FGGY: variants seen among roughly 807,000 people sequenced by gnomAD.
The protein encoded by FGGY is FGGY carbohydrate kinase domain-containing protein.
In FGGY, 72 loss-of-function variants were observed where a neutral mutation model predicts 71.3. The observed-to-expected ratio is 1.01, with a 90% confidence interval of 0.84 to 1.23. FGGY has a LOEUF of 1.23. Ranked by LOEUF, FGGY falls within the 50% of genes most tolerant of loss-of-function variation. The pLI, the probability that FGGY is intolerant of heterozygous loss-of-function variation, is 0.00. For synonymous variants in FGGY, 251 were observed against 250.3 expected (o/e 1.00, Z -0.02); for missense variants, 668 against 682.3 (o/e 0.98, Z 0.23).
At chr1:59,610,409 T>G (rs917148549) in intron 9 of FGGY, among the ~76,000 whole-genome samples, 9 of 152,342 alleles carry the variant, frequency 5.9e-5, no homozygotes, top group African/African-American at 2.2e-4. Context: ...CAAAGAGATC[T>G]CATGCCTTTT....
chr1:59,702,996 T>C (rs2097722704), intron 14 of FGGY, among the ~76,000 whole-genome samples: 1 of 152,184 alleles, frequency 6.6e-6, no homozygotes, highest in South Asian at 2.1e-4. Context: ...CACTTTTATC[T>C]GTTATTCTAA....
chr1:59,645,160 C>A (rs188099722), intron 11 of FGGY, among the ~76,000 whole-genome samples: 1 of 152,290 alleles, frequency 6.6e-6, no homozygotes, highest in East Asian at 1.9e-4. Context: ...TGAAGATATA[C>A]CAGTGTATGA....
intron 6 of FGGY, among the ~76,000 whole-genome samples, chr1:59,468,421 T>C (rs912779745): frequency 5.9e-5 from 9 of 152,204 alleles, no homozygotes; most frequent in African/African-American, 1.7e-4. Context: ...TCAGAGACTT[T>C]TCTATCTTAG....
intron 11 of FGGY, among the ~76,000 whole-genome samples, chr1:59,657,924 A>G (rs1248265782): frequency 6.6e-6 from 1 of 152,110 alleles, no homozygotes; most frequent in Non-Finnish European, 1.5e-5. Flanking sequence ...CTCCTCTCTG[A>G]TTGTGTGAGG....
intron 8 of FGGY, among the ~76,000 whole-genome samples, chr1:59,559,411 C>G (rs1440897235): frequency 1.3e-4 from 20 of 152,182 alleles, no homozygotes. Flanking sequence ...CTTCCTGAAA[C>G]AAACTCATAT....
intron 1 of FGGY, among the ~76,000 whole-genome samples, chr1:59,311,711 A>G (rs866955237): frequency 1.3e-5 from 2 of 152,210 alleles, no homozygotes; most frequent in Non-Finnish European, 2.9e-5. Flanking sequence ...ATATGTGTGC[A>G]TGTGTCTTTA....
intron 14 of FGGY, among the ~76,000 whole-genome samples, chr1:59,678,216 G>A (rs1364837811): frequency 1.3e-5 from 2 of 152,124 alleles, no homozygotes; most frequent in East Asian, 3.9e-4. Flanking sequence ...ATAAGTGGGA[G>A]GGGACACAAA....
At chr1:59,657,079 C>A (rs1223764370) in intron 11 of FGGY, among the ~76,000 whole-genome samples, 1 of 152,144 alleles carries the variant, frequency 6.6e-6, no homozygotes, top group Non-Finnish European at 1.5e-5. Flanking sequence ...AAGTTAAATC[C>A]AGCTATGTCA....
At chr1:59,433,979 T>C (rs1335745654) in intron 5 of FGGY, among the ~76,000 whole-genome samples, 4 of 152,250 alleles carry the variant, frequency 2.6e-5, no homozygotes, top group African/African-American at 9.6e-5. Flanking sequence ...ATTATTTGTT[T>C]CATTTTGGAC....
At position 59,638,241 on chromosome 1, in the gene FGGY, T is replaced by C. The variant is rs976048844; in HGVS notation, c.1087T>C (p.Tyr363His). 6.2e-7 allele frequency: 1 copy of C among 1,614,010 alleles called. No homozygotes were observed. The highest frequency in any genetic ancestry group is 1.3e-5 in the African/African-American group (1 of 74,942). Residue 363 changes from tyrosine (Y) to histidine (H), a missense_variant, in exon 11 of 16, where the codon TAT becomes CAT. By Grantham distance (83) the Tyr-to-His change is moderately conservative. This residue lies in a region of FGGY where 661 missense variants were observed against 661.6 expected (regional missense o/e 1.00). Transcript: ENST00000303721. ...VKATARCQSI[Y>H]AYLNSHLDLI... ...CTTCTCTTCCAGATGCCAGAGTATA[T>C]ATGCATATTTGAACAGTCACCTGGA...
chr1:59,651,820 G>A (rs987376782), intron 11 of FGGY, among the ~76,000 whole-genome samples: 6 of 150,808 alleles, frequency 4.0e-5, no homozygotes, highest in South Asian at 4.3e-4. Context: ...GATTTTGCTC[G>A]TTAGTTGATG....
intron 5 of FGGY, among the ~76,000 whole-genome samples, chr1:59,383,004 A>G (rs141039194): frequency 2.4e-4 from 36 of 152,266 alleles, no homozygotes; most frequent in African/African-American, 6.3e-4. Context: ...GACTAACAAT[A>G]TGACTTACCG....
intron 5 of FGGY, among the ~76,000 whole-genome samples, chr1:59,443,815 T>C (rs116652199): frequency 8.5e-5 from 13 of 152,326 alleles, no homozygotes; most frequent in Non-Finnish European, 1.9e-4. Flanking sequence ...GGGAAATAGT[T>C]ATGATTGGGA....
At chr1:59,699,309 A>G (rs983612346) in intron 14 of FGGY, 26 of 984,710 alleles carry the variant, frequency 2.6e-5, no homozygotes, top group Non-Finnish European at 2.5e-5. Flanking sequence ...GAGATACTAA[A>G]TTGTTTGTAG....
chr1:59,475,982 G>T (rs1166003021), intron 6 of FGGY, among the ~76,000 whole-genome samples: 1 of 152,214 alleles, frequency 6.6e-6, no homozygotes, highest in Non-Finnish European at 1.5e-5. Flanking sequence ...CGTGATCTCT[G>T]TCTGACTTTT....
chr1:59,357,147 T>G (rs2054486544), intron 4 of FGGY, among the ~76,000 whole-genome samples: 1 of 152,238 alleles, frequency 6.6e-6, no homozygotes, highest in African/African-American at 2.4e-5. Flanking sequence ...ATGTTGAGGC[T>G]GATGGCTTGC....
At chr1:59,650,065 G>A (rs566944507) in intron 11 of FGGY, among the ~76,000 whole-genome samples, 14 of 148,552 alleles carry the variant, frequency 9.4e-5, no homozygotes, top group South Asian at 2.1e-4. Flanking sequence ...ATTGATTTGC[G>A]TATATTGAAC....
intron 8 of FGGY, among the ~76,000 whole-genome samples, chr1:59,559,620 C>G (rs1486123811): frequency 6.6e-6 from 1 of 152,014 alleles, no homozygotes; most frequent in South Asian, 2.1e-4. Context: ...ATACAAAGAA[C>G]CAGGACTCCT....
intron 14 of FGGY, among the ~76,000 whole-genome samples, chr1:59,732,050 GTCA>G (rs1420567326): frequency 6.6e-6 from 1 of 152,082 alleles, no homozygotes; most frequent in African/African-American, 2.4e-5. Flanking sequence ...TACCAGTCCC[GTCA>G]TCATCCAGTT....
Sources: allele counts gnomAD v4.1 joint callset (sites outside exome capture counted in the v4.1 genomes callset), GRCh38; gene constraint gnomAD v4.1.1; regional missense constraint gnomAD v4.1.1; transcripts MANE v1.5; gene names NCBI Gene and HGNC (gene_info 2026-07-23, HGNC 2026-07-21).